CPAMD8: variants seen among roughly 807,000 people sequenced by gnomAD.
The protein encoded by CPAMD8 is C3 and PZP like alpha-2-macroglobulin domain containing 8.
A neutral mutation model predicts 224.7 loss-of-function variants in CPAMD8; 146 were observed. The ratio of observed to expected loss-of-function variants is 0.65; its 90% CI spans 0.57 to 0.75. The LOEUF (loss-of-function observed/expected upper bound fraction) is 0.75. Among genes scored for constraint, CPAMD8 ranks in the 30% least tolerant of loss-of-function variants. The probability of loss-of-function intolerance (pLI) is 0.00; values close to 1 mark genes in which losing one functional copy is unlikely to be tolerated. For synonymous variants in CPAMD8, 966 were observed against 1,044.6 expected, an observed-to-expected ratio of 0.92 and a Z score of 1.45; for missense variants, 2,301 against 2,537.5, an observed-to-expected ratio of 0.91 and a Z score of 2.00.
In CPAMD8 at chr19:16,989,666, G is replaced by T; in HGVS notation, c.1372C>A (p.Gln458Lys). Residue 458 changes from glutamine (Q) to lysine (K), a missense_variant, in exon 13 of 42, where the codon CAG becomes AAG. Gln to Lys is a moderately conservative substitution (Grantham distance 53, BLOSUM62 1). Transcript: ENST00000443236. ...YSPSQCYLQL[Q>K]PPSHPLQVGE... The stretch of plus-strand genomic sequence containing the variant: ...ACCTGCAGTGGGTGGGAGGGTGGCT[G>T]CAGCTGCAGGTAGCACTGGCTGGGG... The T allele has an allele frequency of 6.2e-7, 1 of 1,613,968 alleles. No individual in the cohort carries two copies. Among genetic ancestry groups the T allele is most frequent in the Non-Finnish European group, 8.5e-7 (1 of 1,179,900 alleles).
chr19:16,901,401 G>A (rs773489971), intron 35 of CPAMD8, 104 bp from the exon 36 acceptor site: 80 of 802,990 alleles, frequency 1.0e-4, no homozygotes, highest in Non-Finnish European at 1.5e-4. Context: ...GTCCCAGGAA[G>A]CCTGCCCTGG....
chr19:16,972,018 G>C (rs1295622688), intron 17 of CPAMD8, among the ~76,000 whole-genome samples: 1 of 152,052 alleles, frequency 6.6e-6, no homozygotes, highest in Non-Finnish European at 1.5e-5. Flanking sequence ...CTGCACTCCA[G>C]CCTGGGCAAT....
chr19:16,919,133 G>T (rs1020159008), intron 27 of CPAMD8, among the ~76,000 whole-genome samples: 23 of 152,080 alleles, frequency 1.5e-4, no homozygotes, highest in Non-Finnish European at 2.9e-4. Context: ...AACCCAGGAG[G>T]TGGAGGTTGC....
chr19:16,978,282 G>A (rs2055353672), intron 14 of CPAMD8, among the ~76,000 whole-genome samples: 1 of 152,070 alleles, frequency 6.6e-6, no homozygotes, highest in South Asian at 2.1e-4. Context: ...TAGGCAATGG[G>A]AAAGTCCCTG....
rs1383765206 is a variant in CPAMD8 at position 16,907,123 on chromosome 19, G to T, written c.3862-6C>A. 1.3e-6 allele frequency: 2 copies of T among 1,541,588 alleles called. No individual in the cohort carries two copies. The highest frequency in any genetic ancestry group is 2.7e-5 in the African/African-American group (2 of 73,236). ...TCAGTGGAGCCTCTCTCCTCCTGCA[G>T]GGTGGGGTGGGAAGGTGAAACCTGG... On this transcript the variant is annotated splice_region_variant and splice_polypyrimidine_tract_variant and intron_variant, in intron 29 of 41. Coordinates refer to ENST00000443236, the MANE Select transcript of CPAMD8 (RefSeq NM_015692.5).
At chr19:16,930,112 G>A (rs1256612760) in intron 23 of CPAMD8, among the ~76,000 whole-genome samples, 11 of 152,162 alleles carry the variant, frequency 7.2e-5, no homozygotes, top group African/African-American at 1.7e-4. Flanking sequence ...AAAATTAGTC[G>A]GGCGTGGGGG....
intron 10 of CPAMD8, 145 bp downstream of exon 10, chr19:17,000,269 C>T (rs909190178): frequency 1.8e-6 from 1 of 562,312 alleles, no homozygotes; most frequent in African/African-American, 1.9e-5. Flanking sequence ...GCCTGGGCAA[C>T]ATAGTGAGAT....
At position 16,949,915 on chromosome 19, in the gene CPAMD8, G is replaced by A. The variant is rs1300872177; in HGVS notation, c.2508+2054C>T. Reference sequence around the variant, plus strand: ...CACCACTCACTCCCTGGAGGCCCCTGAACCCATGACAATGCTTCTTTGAGC... The same window carrying A: ...CACCACTCACTCCCTGGAGGCCCCTAAACCCATGACAATGCTTCTTTGAGC... On this transcript the variant is annotated intron_variant, in intron 20 of 41. Coordinates refer to ENST00000443236, the MANE Select transcript of CPAMD8 (RefSeq NM_015692.5). 1.3e-5 allele frequency among the ~76,000 whole-genome samples: 2 copies of A among 152,126 alleles called. 1 individual carries two copies. Among genetic ancestry groups the A allele is most frequent in the Non-Finnish European group, 2.9e-5 (2 of 68,028 alleles).
chr19:16,965,276 C>T (rs369762103), intron 18 of CPAMD8, among the ~76,000 whole-genome samples: 95 of 151,752 alleles, frequency 6.3e-4, no homozygotes, highest in African/African-American at 2.2e-3. Context: ...AAAAGGTCTT[C>T]GACAAAATTC....
intron 3 of CPAMD8, among the ~76,000 whole-genome samples, chr19:17,016,739 G>A (rs1244151779): frequency 6.6e-6 from 1 of 152,100 alleles, no homozygotes. Context: ...CACCCTGGGC[G>A]ACAGAGCAAG....
intron 41 of CPAMD8, chr19:16,894,218 C>T (rs2227359): frequency 0.015 from 5,116 of 348,264 alleles, 214 homozygotes; most frequent in African/African-American, 0.099. Context: ...TGCACCACAC[C>T]GGTGACTGCT....
At chr19:16,929,291 C>A in intron 23 of CPAMD8, 51 bp from the exon 24 acceptor site, 2 of 1,474,804 alleles carry the variant, frequency 1.4e-6, no homozygotes, top group South Asian at 2.5e-5. Context: ...GGAGGCATCC[C>A]ACTTTCCCTG....
At chr19:17,008,997 G>A (rs1379306330) in intron 6 of CPAMD8, among the ~76,000 whole-genome samples, 1 of 152,118 alleles carries the variant, frequency 6.6e-6, no homozygotes, top group Non-Finnish European at 1.5e-5. Context: ...TCGGGAGGCT[G>A]AGGAAGGAGA....
chr19:16,969,145 C>T (rs2054959616), intron 18 of CPAMD8, among the ~76,000 whole-genome samples: 1 of 152,196 alleles, frequency 6.6e-6, no homozygotes, highest in African/African-American at 2.4e-5. Context: ...GCCCAGATCC[C>T]TCTGTCCTCA....
intron 1 of CPAMD8, among the ~76,000 whole-genome samples, chr19:17,023,868 C>T (rs2057017262): frequency 1.3e-5 from 2 of 152,210 alleles, no homozygotes; most frequent in African/African-American, 4.8e-5. Context: ...AGGCCCACTG[C>T]ACCTGGCCTC....
chr19:16,915,474 G>C (rs1328371907), intron 27 of CPAMD8, among the ~76,000 whole-genome samples: 1 of 152,172 alleles, frequency 6.6e-6, no homozygotes, highest in East Asian at 1.9e-4. Flanking sequence ...GCCCTGCAGT[G>C]TGAGCTGATG....
chr19:16,975,213 C>T lies in CPAMD8; in HGVS notation c.1954G>A (p.Val652Met), dbSNP rs200183462. Residue 652 changes from valine to methionine, a missense_variant, in exon 17 of 42, where the codon GTG becomes ATG. By Grantham distance (21) the Val-to-Met change is conservative. This residue lies in a region of CPAMD8 where 1,709 missense variants were observed against 1,753.2 expected (regional missense o/e 0.97). Coordinates refer to ENST00000443236, the MANE Select transcript of CPAMD8 (RefSeq NM_015692.5). ...EDYDVSDSFG[V>M]SREDGPFWWA... ...CAAAAAGGACCATCCTCCCTGGACA[C>T]GCCAAAGGAATCAGAAACATCATAA... is the stretch of plus-strand genomic sequence containing the variant. 686 of 1,610,218 alleles carry T rather than the reference C, an allele frequency of 4.3e-4. 5 individuals are homozygous for T. The South Asian group carries it at 6.8e-3, about 16-fold the overall frequency.
At chr19:17,011,881 G>T (rs1280102125) in intron 3 of CPAMD8, 124 bp from the exon 4 acceptor site, 5 of 1,089,360 alleles carry the variant, frequency 4.6e-6, no homozygotes, top group Non-Finnish European at 6.5e-6. Context: ...GCCCCAGGGG[G>T]ACACTTGGCA....
intron 23 of CPAMD8, among the ~76,000 whole-genome samples, chr19:16,937,714 G>A (rs1018038639): frequency 4.2e-4 from 63 of 149,820 alleles, no homozygotes; most frequent in Admixed American, 2.6e-3. Flanking sequence ...GTGCAATGGC[G>A]TGATCTCGGC....
Sources: gnomAD v4.1 joint callset for allele counts (sites outside exome capture counted in the v4.1 genomes callset) on GRCh38, gnomAD v4.1.1 for gene constraint, gnomAD v4.1.1 regional missense constraint, MANE v1.5 for transcripts, NCBI Gene and HGNC (gene_info 2026-07-23, HGNC 2026-07-21) for gene names.